Variants in SEMA5A observed in about 807,000 individuals in gnomAD.
SEMA5A encodes semaphorin-5A.
Under a neutral mutation model 135.5 loss-of-function variants are expected in SEMA5A, and 55 were observed. The ratio of observed to expected loss-of-function variants is 0.41; its 90% confidence interval spans 0.33 to 0.51. The LOEUF (loss-of-function observed/expected upper bound fraction) is 0.51. SEMA5A is among the 20% of genes least tolerant of loss of function. The pLI is 0.37. For missense variants in SEMA5A, 1,290 were observed against 1,419.9 expected (o/e 0.91, Z 1.47); for synonymous variants, 580 against 546.5 (o/e 1.06, Z -0.85).
At chr5:9,188,714 C>T (rs955833863) in intron 11 of SEMA5A, among the ~76,000 whole-genome samples, 1 of 104,924 alleles carries the variant, frequency 9.5e-6, no homozygotes, top group East Asian at 5.2e-4. Context: ...CAAACCTATT[C>T]CGTGCCGGGT....
chr5:9,526,078 G>T (rs1737106594), intron 1 of SEMA5A, among the ~76,000 whole-genome samples: 1 of 152,160 alleles, frequency 6.6e-6, no homozygotes, highest in Non-Finnish European at 1.5e-5. Context: ...AGCCTTTTCT[G>T]CTTCATTAAT....
intron 4 of SEMA5A, among the ~76,000 whole-genome samples, chr5:9,322,845 G>C (rs749173284): frequency 6.6e-6 from 1 of 151,626 alleles, no homozygotes; most frequent in East Asian, 1.9e-4. Context: ...CACACACACA[G>C]AAACAAACAC....
intron 1 of SEMA5A, among the ~76,000 whole-genome samples, chr5:9,532,275 T>C (rs1737488351): frequency 6.6e-6 from 1 of 152,036 alleles, no homozygotes; most frequent in Admixed American, 6.6e-5. Flanking sequence ...TGAACTTTTT[T>C]TTTTTTTTGA....
chr5:9,063,536 C>T (rs1439522712), intron 17 of SEMA5A, among the ~76,000 whole-genome samples: 3 of 152,158 alleles, frequency 2.0e-5, no homozygotes, highest in Non-Finnish European at 2.9e-5. Context: ...ATAATTCAGA[C>T]ATTTTCTAAA....
intron 1 of SEMA5A, among the ~76,000 whole-genome samples, chr5:9,450,618 T>C (rs557449170): frequency 3.9e-5 from 6 of 152,096 alleles, no homozygotes. Context: ...AGCTGTCCCC[T>C]CTCCCCAGTC....
chr5:9,171,764 C>T (rs1328380265), intron 11 of SEMA5A, among the ~76,000 whole-genome samples: 3 of 152,136 alleles, frequency 2.0e-5, no homozygotes, highest in Non-Finnish European at 4.4e-5. Flanking sequence ...AACACACAGG[C>T]TGCGGCAAGG....
intron 13 of SEMA5A, among the ~76,000 whole-genome samples, chr5:9,131,956 A>G (rs1741459965): frequency 1.3e-5 from 2 of 152,292 alleles, no homozygotes; most frequent in Middle Eastern, 3.4e-3. Context: ...AGACTATGCT[A>G]CCCTTGTTAA....
At chr5:9,365,361 G>C (rs1390151390) in intron 3 of SEMA5A, among the ~76,000 whole-genome samples, 1 of 152,076 alleles carries the variant, frequency 6.6e-6, no homozygotes, top group Non-Finnish European at 1.5e-5. Context: ...CAAAAATCCA[G>C]GAGGAGCAAA....
chr5:9,380,148 G>T, intron 2 of SEMA5A, 125 bp from the exon 3 acceptor site: 1 of 600,468 alleles, frequency 1.7e-6, no homozygotes, highest in Non-Finnish European at 2.8e-6. Context: ...AGCTTGGAGG[G>T]CTTAGAGCAG....
chr5:9,407,442 C>T (rs1310895503), intron 2 of SEMA5A, among the ~76,000 whole-genome samples: 1 of 152,204 alleles, frequency 6.6e-6, no homozygotes, highest in Non-Finnish European at 1.5e-5. Flanking sequence ...GAAAAACAGG[C>T]TTCTGTTACC....
At position 9,508,091 on chromosome 5, in the gene SEMA5A, GCA is replaced by G. The variant is rs1736001353; in HGVS notation, c.-175+37491_-175+37492del. Among the ~76,000 whole-genome samples, 4 of 152,268 alleles carry G rather than the reference GCA, an allele frequency of 2.6e-5. No individual in the cohort carries two copies. The South Asian group carries it at 8.3e-4, about 32-fold the overall frequency. ...TCCAGAACGTGATCATAGAATCCTA[GCA>G]ACTAGGGAAAGATGAGTCACTGTGA... On this transcript the variant is annotated intron_variant, in intron 1 of 22. Transcript: ENST00000382496.
chr5:9,292,705 A>C (rs1208603585), intron 5 of SEMA5A, among the ~76,000 whole-genome samples: 2 of 152,222 alleles, frequency 1.3e-5, no homozygotes, highest in Non-Finnish European at 2.9e-5. Flanking sequence ...CAAAGAAAAA[A>C]ATCAACTGTT....
chr5:9,447,518 G>A (rs112678883), intron 1 of SEMA5A, among the ~76,000 whole-genome samples: 5 of 152,302 alleles, frequency 3.3e-5, no homozygotes, highest in African/African-American at 1.2e-4. Context: ...GCCTAAAGAA[G>A]AAAATAGCAT....
intron 6 of SEMA5A, among the ~76,000 whole-genome samples, chr5:9,227,471 ACT>A (rs1429381818): frequency 6.6e-6 from 1 of 152,060 alleles, no homozygotes; most frequent in Non-Finnish European, 1.5e-5. Context: ...CACATGAGAA[ACT>A]CTGTACACAA....
chr5:9,415,581 C>A (rs1022774264), intron 2 of SEMA5A, among the ~76,000 whole-genome samples: 2 of 152,114 alleles, frequency 1.3e-5, no homozygotes, highest in Non-Finnish European at 2.9e-5. Context: ...ATTTTCTCAA[C>A]CTATTTTTTT....
At chr5:9,062,525 GC>G in intron 18 of SEMA5A, among the ~76,000 whole-genome samples, 1 of 152,240 alleles carries the variant, frequency 6.6e-6, no homozygotes, top group South Asian at 2.1e-4. Flanking sequence ...GAGTGCAGTG[GC>G]CTGATGATGG....
chr5:9,518,181 C>T (rs1475978934), intron 1 of SEMA5A: 1 of 152,116 alleles, frequency 6.6e-6, no homozygotes, highest in Non-Finnish European at 1.5e-5. Flanking sequence ...CATGCACCAT[C>T]ATAAATTGTT....
intron 8 of SEMA5A, among the ~76,000 whole-genome samples, chr5:9,222,914 A>T (rs1747085755): frequency 6.6e-6 from 1 of 152,234 alleles, no homozygotes; most frequent in Admixed American, 6.5e-5. Flanking sequence ...GGATATTCTT[A>T]AAGTGTCACT....
Position 9,256,741 on chromosome 5 carries a change from T to C in SEMA5A, c.271-18851A>G, listed in dbSNP as rs890042037. Among the ~76,000 whole-genome samples the C allele has an allele frequency of 2.0e-4, 30 of 152,344 alleles. 1 individual carries two copies. Among genetic ancestry groups the C allele is most frequent in the Admixed American group, 1.7e-3 (26 of 15,298 alleles). ...CCCCATAAGAGACCCTGATTAAATA[T>C]GTGCTGAAGGAAGGAATAATCTAGG... On this transcript the variant is annotated intron_variant, in intron 5 of 22. Coordinates refer to ENST00000382496, the MANE Select transcript of SEMA5A (RefSeq NM_003966.3).
Sources: gnomAD v4.1 joint callset for allele counts (sites outside exome capture counted in the v4.1 genomes callset) on GRCh38, gnomAD v4.1.1 for gene constraint, MANE v1.5 for transcripts, NCBI Gene and HGNC (gene_info 2026-07-23, HGNC 2026-07-21) for gene names.